NREP: variants seen among roughly 807,000 people sequenced by gnomAD.
NREP encodes the protein neuronal regeneration related protein.
NREP carries 5 observed loss-of-function variants against 8.6 expected under a neutral mutation model. The observed-to-expected ratio is 0.58, with a 90% CI of 0.30 to 1.22. The LOEUF is 1.22. NREP is among the 50% of genes most tolerant of loss of function. The pLI is 0.07. For synonymous variants in NREP, 27 were observed against 28.0 expected (o/e 0.96, Z 0.11); for missense variants, 86 against 82.5 (o/e 1.04, Z -0.17).
rs115830897 is a variant in NREP, at chr5:111,876,441, T to C, written c.135+98833A>G. ...GAAAAGAATAAAGCCTGGGTACCAA[T>C]TGATCAACTTTTCCTTTTGAGCAGA... On this transcript the variant is annotated intron_variant, in intron 2 of 3. Transcript: ENST00000395634. Among the ~76,000 whole-genome samples, 437 of 152,244 alleles carry C rather than the reference T, an allele frequency of 2.9e-3. 2 individuals are homozygous for C. Among genetic ancestry groups the C allele is most frequent in the African/African-American group, 4.6e-3 (189 of 41,532 alleles).
chr5:111,774,161 C>T lies in NREP; in HGVS notation c.136-38654G>A, dbSNP rs144203018. 2.1e-3 allele frequency among the ~76,000 whole-genome samples: 300 copies of T among 146,314 alleles called. 2 individuals carry two copies. The highest frequency in any genetic ancestry group is 7.2e-3 in the African/African-American group (286 of 39,694). On this transcript the variant is annotated intron_variant, in intron 2 of 3. Coordinates refer to the NREP transcript ENST00000395634. ...CTTATATTACATGTCCAGCATTATG[C>T]TAGATACTGTAGATGAGAGAGGGAA...
chr5:111,803,006 A>C (rs545359116), intron 2 of NREP, among the ~76,000 whole-genome samples: 61 of 152,334 alleles, frequency 4.0e-4, no homozygotes, highest in Middle Eastern at 3.4e-3. Context: ...TGAAAGAAAA[A>C]AACTGGGAGA....
At chr5:111,792,375 T>C (rs563802524) in intron 2 of NREP, among the ~76,000 whole-genome samples, 27 of 152,328 alleles carry the variant, frequency 1.8e-4, no homozygotes, top group Non-Finnish European at 3.4e-4. Flanking sequence ...TAAGAACAAA[T>C]TAACCCAACT....
chr5:111,747,270 A>G (rs918280161), intron 2 of NREP, among the ~76,000 whole-genome samples: 1 of 151,854 alleles, frequency 6.6e-6, no homozygotes, highest in Non-Finnish European at 1.5e-5. Flanking sequence ...CCTAATTTCT[A>G]CTCTTTCCTG....
rs1754916271 is a variant in NREP, at chr5:111,911,696, T to A, written c.135+63578A>T. Among the ~76,000 whole-genome samples, 3 of 152,122 alleles carry A rather than the reference T, an allele frequency of 2.0e-5. 1 individual carries two copies. Among genetic ancestry groups the A allele is most frequent in the African/African-American group, 4.8e-5 (2 of 41,452 alleles). On this transcript the variant is annotated intron_variant, in intron 2 of 3. Transcript: ENST00000395634. Reference sequence around the variant, plus strand: ...ATTCAGGCTCAATCTGACCTCTTTTTGACTTTGGTGAGAGGGTCTATTTTT... The same window carrying A: ...ATTCAGGCTCAATCTGACCTCTTTTAGACTTTGGTGAGAGGGTCTATTTTT...
chr5:111,783,833 C>T lies in NREP; in HGVS notation c.136-48326G>A, dbSNP rs188865030. 2.8e-3 allele frequency among the ~76,000 whole-genome samples: 428 copies of T among 152,152 alleles called. 3 individuals are homozygous for T. The highest frequency in any genetic ancestry group is 9.8e-3 in the African/African-American group (405 of 41,516). ...ACTCACCTTTTATCCCTAAACCTGG[C>T]GTGTTTAAATGAATGAATAATGAGT... is the stretch of plus-strand genomic sequence containing the variant. On this transcript the variant is annotated intron_variant, in intron 2 of 3. Coordinates refer to the NREP transcript ENST00000395634.
At position 111,741,559 on chromosome 5, in the gene NREP, T is replaced by C. The variant is rs531496409; in HGVS notation, c.4-6052A>G. 7.2e-5 allele frequency among the ~76,000 whole-genome samples: 11 copies of C among 152,278 alleles called. No homozygotes were observed. In the South Asian group the frequency reaches 2.1e-3, roughly 29 times the overall value. On this transcript the variant is annotated intron_variant, in intron 2 of 3. Transcript: ENST00000257435. ...AAGATTAGATGGTGCCAAAAGATGATGCACTGTGCTGTCTCTCTAGAGACG... is the reference window on the plus strand; with the variant it reads ...AAGATTAGATGGTGCCAAAAGATGACGCACTGTGCTGTCTCTCTAGAGACG...
chr5:111,855,670 G>T (rs1378079508), intron 2 of NREP, among the ~76,000 whole-genome samples: 1 of 152,106 alleles, frequency 6.6e-6, no homozygotes, highest in Non-Finnish European at 1.5e-5. Flanking sequence ...ACCTTCAGGG[G>T]ATTTGAGGAT....
Position 111,849,279 on chromosome 5 carries a change from G to A in NREP, c.136-113772C>T, listed in dbSNP as rs1753253572. Among the ~76,000 whole-genome samples, 3 of 152,068 alleles carry A rather than the reference G, an allele frequency of 2.0e-5. No homozygotes were observed. In the South Asian group the frequency reaches 6.2e-4, roughly 32 times the overall value. On this transcript the variant is annotated intron_variant, in intron 2 of 3. Coordinates refer to the NREP transcript ENST00000395634. ...ATACCAAGAAGAGGGAACAGGGGAT[G>A]CAAATTTTCAGAGGCACTAGGGAAA...
upstream of NREP, among the ~76,000 whole-genome samples, chr5:111,760,713 G>T (rs112357493): frequency 6.6e-6 from 1 of 152,140 alleles, no homozygotes; most frequent in South Asian, 2.1e-4. Flanking sequence ...GGCAGATCAT[G>T]AGCTAAGAAA....
At chr5:111,760,876 T>A (rs562502646), upstream of NREP, among the ~76,000 whole-genome samples, 1 of 152,338 alleles carries the variant, frequency 6.6e-6, no homozygotes, top group South Asian at 2.1e-4. Flanking sequence ...AGACACAGGA[T>A]TTTTCTTCTC....
At chr5:111,851,793 T>A (rs1463232851) in intron 2 of NREP, among the ~76,000 whole-genome samples, 1 of 152,200 alleles carries the variant, frequency 6.6e-6, no homozygotes, top group African/African-American at 2.4e-5. Context: ...TGACACAAAA[T>A]AACTGTGTGA....
intron 2 of NREP, among the ~76,000 whole-genome samples, chr5:111,793,141 G>T (rs1751789888): frequency 6.6e-6 from 1 of 152,138 alleles, no homozygotes; most frequent in South Asian, 2.1e-4. Flanking sequence ...CAACCGTATT[G>T]CCTTTTTTAC....
intron 2 of NREP, among the ~76,000 whole-genome samples, chr5:111,796,449 T>C (rs1392486424): frequency 1.3e-5 from 2 of 152,204 alleles, no homozygotes; most frequent in Non-Finnish European, 2.9e-5. Context: ...GGATCATTAT[T>C]CTACCTATCA....
chr5:111,913,652 T>C (rs1022045295), intron 2 of NREP, among the ~76,000 whole-genome samples: 50 of 152,100 alleles, frequency 3.3e-4, no homozygotes, highest in African/African-American at 1.2e-3. Flanking sequence ...AAGAGGATGA[T>C]AGTGAGGAAT....
chr5:111,820,049 C>G (rs1752481290), intron 2 of NREP, among the ~76,000 whole-genome samples: 1 of 152,188 alleles, frequency 6.6e-6, no homozygotes, highest in Non-Finnish European at 1.5e-5. Context: ...AGATCTCCAC[C>G]TAGGCCCCTA....
At chr5:111,880,926 C>T (rs975660894) in intron 2 of NREP, among the ~76,000 whole-genome samples, 19 of 152,098 alleles carry the variant, frequency 1.2e-4, no homozygotes, top group African/African-American at 4.6e-4. Context: ...TCTGCATTTC[C>T]ATCTGAGGTA....
chr5:111,879,158 C>A (rs911897879), intron 2 of NREP, among the ~76,000 whole-genome samples: 1 of 152,198 alleles, frequency 6.6e-6, no homozygotes, highest in Non-Finnish European at 1.5e-5. Context: ...TGCTCCCCCT[C>A]TTGCCATGTG....
At chr5:111,919,436 C>T (rs1755160653) in intron 2 of NREP, among the ~76,000 whole-genome samples, 1 of 152,022 alleles carries the variant, frequency 6.6e-6, no homozygotes, top group South Asian at 2.1e-4. Flanking sequence ...ATGTTTATTG[C>T]AGCACTATTA....
Sources: allele counts gnomAD v4.1 joint callset (sites outside exome capture counted in the v4.1 genomes callset), GRCh38; gene constraint gnomAD v4.1.1; transcripts MANE v1.5; gene names NCBI Gene and HGNC (gene_info 2026-07-23, HGNC 2026-07-21).